ETNK1: variants seen among roughly 807,000 people sequenced by gnomAD.
ETNK1 encodes the protein putative protein product of Nbla10396.
In ETNK1, 8 loss-of-function variants were observed where a neutral mutation model predicts 45.1. That is an observed-to-expected ratio of 0.18 (90% CI 0.10 to 0.32). The LOEUF is 0.32. ETNK1 is among the 10% of genes least tolerant of loss of function. The pLI, the probability that ETNK1 is intolerant of heterozygous loss-of-function variation, is 1.00. For synonymous variants in ETNK1, 152 were observed against 151.9 expected, an observed-to-expected ratio of 1.00 and a Z score of -0.01; for missense variants, 302 against 430.6, an observed-to-expected ratio of 0.70 and a Z score of 2.64.
At chr12:22,671,590 G>C (rs1954107783) in intron 5 of ETNK1, among the ~76,000 whole-genome samples, 1 of 152,026 alleles carries the variant, frequency 6.6e-6, no homozygotes, top group Non-Finnish European at 1.5e-5. Context: ...TGTAATCCCA[G>C]CACTTTGGGA....
At chr12:22,648,318 TATC>T (rs1194009669) in intron 2 of ETNK1, among the ~76,000 whole-genome samples, 4 of 152,002 alleles carry the variant, frequency 2.6e-5, no homozygotes, top group African/African-American at 9.7e-5. Flanking sequence ...CTGTTAGTAG[TATC>T]ATACAGAGGA....
rs1353192559 is a variant in ETNK1 at position 22,688,962 on chromosome 12, C to T, written c.*4008C>T. 6.6e-6 allele frequency: 1 copy of T among 151,764 alleles called. No individual in the cohort carries two copies. The highest frequency in any genetic ancestry group is 1.5e-5 in the Non-Finnish European group (1 of 67,768). 9.4% of individuals were successfully genotyped at this position (151,764 alleles called of 1,614,324 possible). ...CACTTGTGTGATTCCAGTGTCATGT[C>T]TTGGGTTTGATGTCGTTGGACAGAA... On this transcript the variant is annotated 3_prime_UTR_variant, in exon 8 of 8. Coordinates refer to ENST00000266517, the MANE Select transcript of ETNK1 (RefSeq NM_018638.5).
At chr12:22,661,586 T>A (rs1349347406) in intron 4 of ETNK1, among the ~76,000 whole-genome samples, 1 of 152,174 alleles carries the variant, frequency 6.6e-6, no homozygotes, top group East Asian at 1.9e-4. Flanking sequence ...AACTGCTTTA[T>A]AAATAGAAAA....
chr12:22,639,829 A>T (rs769175806), intron 1 of ETNK1, among the ~76,000 whole-genome samples: 1 of 152,188 alleles, frequency 6.6e-6, no homozygotes, highest in Non-Finnish European at 1.5e-5. Context: ...AAAATTACCT[A>T]TCAATCTTTC....
At position 22,684,522 on chromosome 12, in the gene ETNK1, G is replaced by A. The variant is rs765806085; in HGVS notation, c.985G>A (p.Ala329Thr). 7 of 1,610,824 alleles carry A rather than the reference G, an allele frequency of 4.3e-6. No individual in the cohort carries two copies. Among genetic ancestry groups the A allele is most frequent in the Non-Finnish European group, 5.1e-6 (6 of 1,178,324 alleles). Reference protein sequence around the residue: ...FFWGLWALIQAKYSTIEFDFL... With the variant: ...FFWGLWALIQTKYSTIEFDFL... The stretch of plus-strand genomic sequence containing the variant: ...TTGGGGATTGTGGGCTTTGATTCAA[G>A]CCAAATACTCCACTATTGAGTTTGA... The change falls in exon 7 of 8, where the codon GCC (alanine) becomes ACC (threonine). Residue 329 changes from alanine to threonine, a missense_variant. Ala to Thr is a moderately conservative substitution (Grantham distance 58). Transcript: ENST00000266517.
intron 2 of ETNK1, among the ~76,000 whole-genome samples, chr12:22,654,029 A>G (rs1168563599): frequency 1.3e-5 from 2 of 152,204 alleles, no homozygotes; most frequent in Non-Finnish European, 2.9e-5. Flanking sequence ...ATGAAATAGT[A>G]TTAAGAGGTG....
chr12:22,647,910 C>T (rs1295148264), intron 2 of ETNK1, among the ~76,000 whole-genome samples: 2 of 151,806 alleles, frequency 1.3e-5, no homozygotes, highest in Non-Finnish European at 2.9e-5. Flanking sequence ...ACCTCGCTTA[C>T]TGAGACAAGG....
At chr12:22,665,257 T>TG (rs1954043251) in intron 4 of ETNK1, among the ~76,000 whole-genome samples, 1 of 152,144 alleles carries the variant, frequency 6.6e-6, no homozygotes, top group Admixed American at 6.6e-5. Context: ...CTATGGTACT[T>TG]GGGAAAAAAT....
At chr12:22,680,148 T>G (rs1340766831) in intron 6 of ETNK1, among the ~76,000 whole-genome samples, 2 of 152,200 alleles carry the variant, frequency 1.3e-5, no homozygotes, top group Non-Finnish European at 2.9e-5. Context: ...TGTTCTGATT[T>G]GGGTCTACCC....
rs750910931 is a variant in ETNK1 at position 22,625,221 on chromosome 12, G to A, written c.-210G>A. 13 of 1,611,194 alleles carry A rather than the reference G, an allele frequency of 8.1e-6. No homozygotes were observed. The highest frequency in any genetic ancestry group is 8.5e-6 in the Non-Finnish European group (10 of 1,179,006). ...CAACAGGAATTTTCTCCGAGAGCGG[G>A]CCGGGCTCAGTTCAGCTGCTGTCCA... On this transcript the variant is annotated 5_prime_UTR_variant, in exon 1 of 8. Coordinates refer to ENST00000266517, the MANE Select transcript of ETNK1 (RefSeq NM_018638.5).
chr12:22,660,059 C>T (rs1313893544), intron 3 of ETNK1, among the ~76,000 whole-genome samples: 4 of 147,120 alleles, frequency 2.7e-5, no homozygotes, highest in Non-Finnish European at 4.5e-5. Flanking sequence ...AAAAAAACAC[C>T]GCAGTTTTGA....
chr12:22,688,852 A>G lies in ETNK1; in HGVS notation c.*3898A>G, dbSNP rs1302947073. On this transcript the variant is annotated 3_prime_UTR_variant, in exon 8 of 8. Coordinates refer to ENST00000266517, the MANE Select transcript of ETNK1 (RefSeq NM_018638.5). ...TTACTGGGAATTTAGTTATGTATTA[A>G]GATAACCTGTTTTCAGTTCTTTTTG... 1 of 151,924 alleles carries G rather than the reference A, an allele frequency of 6.6e-6. No homozygotes were observed. The highest frequency in any genetic ancestry group is 6.6e-5 in the Admixed American group (1 of 15,264). The allele number at this position is 151,924 out of a possible 1,614,324, so 9.4% of individuals were successfully genotyped here. A position where few individuals can be genotyped will look rare whatever the true frequency, so the allele number is the denominator to read the frequency against.
chr12:22,658,444 T>C (rs930968225), intron 2 of ETNK1, among the ~76,000 whole-genome samples: 3 of 152,184 alleles, frequency 2.0e-5, no homozygotes, highest in Non-Finnish European at 2.9e-5. Flanking sequence ...GGTGCAAACA[T>C]AGGGTCCTGG....
At chr12:22,642,661 T>G (rs754613728) in intron 1 of ETNK1, among the ~76,000 whole-genome samples, 1 of 152,036 alleles carries the variant, frequency 6.6e-6, no homozygotes, top group Non-Finnish European at 1.5e-5. Context: ...ATAGAAATAT[T>G]TACCCTCTTT....
At chr12:22,648,033 A>T (rs1953828896) in intron 2 of ETNK1, among the ~76,000 whole-genome samples, 1 of 151,980 alleles carries the variant, frequency 6.6e-6, no homozygotes, top group Non-Finnish European at 1.5e-5. Context: ...ATGCTAAGTT[A>T]TCTGAATGAA....
chr12:22,659,472 G>A (rs2137555161), intron 3 of ETNK1, among the ~76,000 whole-genome samples: 1 of 152,238 alleles, frequency 6.6e-6, no homozygotes, highest in South Asian at 2.1e-4. Context: ...AGATACTGCA[G>A]GGTTGAGAGG....
chr12:22,671,793 C>T (rs998876230), intron 5 of ETNK1, among the ~76,000 whole-genome samples: 4 of 145,778 alleles, frequency 2.7e-5, no homozygotes, highest in Admixed American at 1.4e-4. Context: ...GAGCCGAGAT[C>T]GCGCTACTGC....
chr12:22,626,061 A>C, intron 1 of ETNK1: 1 of 351,168 alleles, frequency 2.8e-6, no homozygotes, highest in Non-Finnish European at 5.6e-6. Flanking sequence ...GTCTTCCCAA[A>C]CCCTAGCGTA....
rs1954282768 is a variant in ETNK1 at position 22,688,978 on chromosome 12, T to C, written c.*4024T>C. 1 of 151,926 alleles carries C rather than the reference T, an allele frequency of 6.6e-6. No individual in the cohort carries two copies. Among genetic ancestry groups the C allele is most frequent in the Non-Finnish European group, 1.5e-5 (1 of 67,802 alleles). The allele number at this position is 151,926 out of a possible 1,614,324, so 9.4% of individuals were successfully genotyped here. Reference sequence around the variant, plus strand: ...GTGTCATGTCTTGGGTTTGATGTCGTTGGACAGAAAAGTGTATCAATTATT... The same window carrying C: ...GTGTCATGTCTTGGGTTTGATGTCGCTGGACAGAAAAGTGTATCAATTATT... On this transcript the variant is annotated 3_prime_UTR_variant, in exon 8 of 8. Coordinates refer to ENST00000266517, the MANE Select transcript of ETNK1 (RefSeq NM_018638.5).
Sources: gnomAD v4.1 joint callset for allele counts (sites outside exome capture counted in the v4.1 genomes callset) on GRCh38, gnomAD v4.1.1 for gene constraint, MANE v1.5 for transcripts, NCBI Gene and HGNC (gene_info 2026-07-23, HGNC 2026-07-21) for gene names.